The following ERO1A variants were observed in gnomAD, a reference collection of about 807,000 sequenced individuals.
ERO1A encodes the protein ERO1-like protein alpha.
Under a neutral mutation model 76.9 loss-of-function variants are expected in ERO1A, and 49 were observed. The observed-to-expected ratio is 0.64, with a 90% CI of 0.51 to 0.81. ERO1A has a LOEUF of 0.81. Ranked by LOEUF, ERO1A falls within the 30% of genes least tolerant of loss-of-function variation. The probability of loss-of-function intolerance (pLI) is 0.00; values close to 1 mark genes in which losing one functional copy is unlikely to be tolerated. For synonymous variants in ERO1A, 174 were observed against 181.2 expected (o/e 0.96, Z 0.32); for missense variants, 448 against 542.1 (o/e 0.83, Z 1.72).
intron 4 of ERO1A, among the ~76,000 whole-genome samples, chr14:52,674,311 A>G (rs1362480640): frequency 1.3e-5 from 2 of 151,992 alleles, no homozygotes; most frequent in African/African-American, 4.8e-5. Flanking sequence ...TCCTGTCTCA[A>G]CCTCCTGAGG....
At chr14:52,692,039 T>C (rs1176928550) in intron 1 of ERO1A, among the ~76,000 whole-genome samples, 2 of 152,182 alleles carry the variant, frequency 1.3e-5, no homozygotes, top group South Asian at 4.1e-4. Flanking sequence ...AAAGACTCAG[T>C]TGGAGCTATC....
chr14:52,658,358 A>G, intron 9 of ERO1A: 1 of 512,042 alleles, frequency 2.0e-6, no homozygotes. Context: ...TTGGTCTTTA[A>G]AAGGCTTTAG....
rs557804118 is a variant in ERO1A at position 52,641,601 on chromosome 14, A to C, written c.*1969T>G. 1 of 152,246 alleles carries C rather than the reference A, an allele frequency of 6.6e-6. No homozygotes were observed. The highest frequency in any genetic ancestry group is 2.4e-5 in the African/African-American group (1 of 41,540). The allele number at this position is 152,246 out of a possible 1,614,324, so 9.4% of individuals were successfully genotyped here. A position where few individuals can be genotyped will look rare whatever the true frequency, so the allele number is the denominator to read the frequency against. ...TGCACTCCAACCTGGGCGACACAGC[A>C]AGACTCCGTCTCCAAAAAATAAAAA... On this transcript the variant is annotated 3_prime_UTR_variant, in exon 16 of 16. Transcript: ENST00000395686.
chr14:52,645,683 A>C, intron 15 of ERO1A, among the ~76,000 whole-genome samples: 1 of 152,068 alleles, frequency 6.6e-6, no homozygotes, highest in East Asian at 1.9e-4. Flanking sequence ...AATATCCCAT[A>C]ATTCTGTAAT....
intron 4 of ERO1A, among the ~76,000 whole-genome samples, chr14:52,676,277 C>G (rs1395400298): frequency 1.3e-5 from 2 of 152,150 alleles, no homozygotes; most frequent in Non-Finnish European, 2.9e-5. Context: ...CATAAAATAA[C>G]TACACAGTTA....
rs1292723024 is a variant in ERO1A at position 52,640,019 on chromosome 14, G to T, written c.*3551C>A. On this transcript the variant is annotated 3_prime_UTR_variant, in exon 16 of 16. Coordinates refer to ENST00000395686, the MANE Select transcript of ERO1A (RefSeq NM_014584.3). ...GGGAGTGAAAGTATTTGGAATATAG[G>T]TAGGACCTCTAATATAATAAAGATG... 1.3e-5 allele frequency: 2 copies of T among 152,132 alleles called. No individual in the cohort carries two copies. The highest frequency in any genetic ancestry group is 2.4e-5 in the African/African-American group (1 of 41,426). The allele number at this position is 152,132 out of a possible 1,614,324, so 9.4% of individuals were successfully genotyped here. A position where few individuals can be genotyped will look rare whatever the true frequency, so the allele number is the denominator to read the frequency against.
chr14:52,657,692 AT>A (rs1329333725), intron 11 of ERO1A, among the ~76,000 whole-genome samples: 2 of 152,228 alleles, frequency 1.3e-5, no homozygotes, highest in East Asian at 3.8e-4. Flanking sequence ...GATATGGACA[AT>A]TTTGAGCAGC....
intron 6 of ERO1A, among the ~76,000 whole-genome samples, chr14:52,670,298 G>T (rs1309681351): frequency 6.6e-6 from 1 of 152,190 alleles, no homozygotes; most frequent in Non-Finnish European, 1.5e-5. Flanking sequence ...TGAATTAAGA[G>T]GCTAACAATT....
chr14:52,680,262 A>G (rs1192103439), intron 3 of ERO1A, among the ~76,000 whole-genome samples: 2 of 152,140 alleles, frequency 1.3e-5, no homozygotes, highest in East Asian at 3.9e-4. Context: ...CAATAAATAT[A>G]TATTTAACAT....
chr14:52,682,621 G>A (rs1029637754), intron 2 of ERO1A, among the ~76,000 whole-genome samples: 32 of 152,140 alleles, frequency 2.1e-4, no homozygotes, highest in African/African-American at 7.5e-4. Flanking sequence ...AGACTGGGCC[G>A]GGCACAGTGG....
chr14:52,682,529 C>A, intron 2 of ERO1A, 121 bp from the exon 3 acceptor site: 1 of 672,028 alleles, frequency 1.5e-6, no homozygotes. Flanking sequence ...GTATTTCTTC[C>A]ACCTATCTGT....
intron 1 of ERO1A, among the ~76,000 whole-genome samples, chr14:52,686,389 T>A (rs114704625): frequency 3.3e-5 from 5 of 152,208 alleles, no homozygotes; most frequent in African/African-American, 1.2e-4. Context: ...GAAACACACA[T>A]AGCAAGTAAA....
At position 52,695,449 on chromosome 14, in the gene ERO1A, G is replaced by C. The variant is rs2041525439; in HGVS notation, c.33C>G (p.Leu11=). The C allele has an allele frequency of 6.5e-7, 1 of 1,548,690 alleles. No individual in the cohort carries two copies. Among genetic ancestry groups the C allele is most frequent in the Admixed American group, 1.9e-5 (1 of 52,046 alleles). Residue 11 remains leucine (L), a synonymous_variant, in exon 1 of 16, where the codon CTC becomes CTG. Coordinates refer to ENST00000395686, the MANE Select transcript of ERO1A (RefSeq NM_014584.3). The part of the protein sequence containing the change: MGRGWGFLFG[L]LGAVWLLSSG... ...AGCTGAGCAGCCACACGGCGCCCAG[G>C]AGGCCAAACAAGAATCCCCAGCCGC...
At chr14:52,671,260 G>C (rs1048387220) in intron 6 of ERO1A, among the ~76,000 whole-genome samples, 1 of 152,046 alleles carries the variant, frequency 6.6e-6, no homozygotes, top group African/African-American at 2.4e-5. Flanking sequence ...TGGACAATTG[G>C]GTTGTTACCA....
intron 4 of ERO1A, among the ~76,000 whole-genome samples, chr14:52,676,317 A>G (rs2040782192): frequency 6.6e-6 from 1 of 152,228 alleles, no homozygotes; most frequent in South Asian, 2.1e-4. Context: ...TAAAACTACC[A>G]CAGCAAGACT....
intron 4 of ERO1A, among the ~76,000 whole-genome samples, chr14:52,675,237 G>C (rs1375417468): frequency 6.6e-6 from 1 of 152,096 alleles, no homozygotes; most frequent in Non-Finnish European, 1.5e-5. Context: ...TACAAAATTA[G>C]CTGGGCATGG....
intron 11 of ERO1A, 51 bp from the exon 12 acceptor site, chr14:52,653,366 CT>C (rs780589327): frequency 2.1e-6 from 3 of 1,457,252 alleles, no homozygotes; most frequent in Non-Finnish European, 2.8e-6. Flanking sequence ...ACAATTTTTA[CT>C]TTAATTATAT....
intron 13 of ERO1A, among the ~76,000 whole-genome samples, chr14:52,650,603 T>C (rs1305529226): frequency 6.6e-6 from 1 of 152,110 alleles, no homozygotes; most frequent in East Asian, 1.9e-4. Context: ...TATATGTATG[T>C]ATATATAAAA....
At chr14:52,657,009 A>G (rs1422818162) in intron 11 of ERO1A, among the ~76,000 whole-genome samples, 1 of 152,164 alleles carries the variant, frequency 6.6e-6, no homozygotes, top group Non-Finnish European at 1.5e-5. Flanking sequence ...CCAAATTGAA[A>G]ACTAGCTAAA....
Sources: allele counts gnomAD v4.1 joint callset (sites outside exome capture counted in the v4.1 genomes callset), GRCh38; gene constraint gnomAD v4.1.1; transcripts MANE v1.5; gene names NCBI Gene and HGNC (gene_info 2026-07-23, HGNC 2026-07-21).